Variants in BLTP1 observed in about 807,000 individuals in gnomAD.
BLTP1 encodes the protein fragile site-associated protein.
At chr4:122,181,160 A>G in the BLTP1 span, 1 of 324,470 alleles carries the variant, frequency 3.1e-6, no homozygotes, top group Non-Finnish European at 4.4e-6. Context: ...TTAGCTGACA[A>G]TCATCTATAA....
chr4:122,325,907 G>T, the BLTP1 span: 2 of 1,049,066 alleles, frequency 1.9e-6, no homozygotes, highest in Non-Finnish European at 1.3e-6. Flanking sequence ...CCTGGGGAAG[G>T]GTATTTTCAG....
the BLTP1 span, chr4:122,246,989 CT>C: frequency 1.2e-6 from 1 of 860,104 alleles, no homozygotes; most frequent in Non-Finnish European, 1.4e-6. Context: ...AAAATTTTTA[CT>C]GTTTCTATTC....
chr4:122,316,683 G>T, the BLTP1 span: 1 of 1,578,466 alleles, frequency 6.3e-7, no homozygotes, highest in Non-Finnish European at 8.6e-7. Flanking sequence ...GTATAGATTT[G>T]CTGTGTGACT....
At chr4:122,200,975 C>T in the BLTP1 span, 3 of 1,598,256 alleles carry the variant, frequency 1.9e-6, no homozygotes, top group African/African-American at 1.3e-5. Context: ...ACATTTTAAG[C>T]CTTAATTACT....
the BLTP1 span, among the ~76,000 whole-genome samples, chr4:122,158,457 A>G: frequency 2.0e-5 from 3 of 152,128 alleles, no homozygotes; most frequent in Non-Finnish European, 4.4e-5. Flanking sequence ...CTTAGTTGAT[A>G]TGTTTTCTAC....
At chr4:122,272,222 A>T in the BLTP1 span, 1 of 1,613,372 alleles carries the variant, frequency 6.2e-7, no homozygotes, top group Non-Finnish European at 8.5e-7. Context: ...AGACAACAGC[A>T]GTTTGACTAA....
At chr4:122,264,147 A>G in the BLTP1 span, 3 of 1,334,326 alleles carry the variant, frequency 2.2e-6, no homozygotes, top group Non-Finnish European at 2.9e-6. Context: ...TCAGTCTTGA[A>G]ATGGTACTAC....
the BLTP1 span, among the ~76,000 whole-genome samples, chr4:122,285,301 A>G: frequency 6.6e-6 from 1 of 152,208 alleles, no homozygotes; most frequent in Non-Finnish European, 1.5e-5. Flanking sequence ...GGGATGACTC[A>G]GTAACTGAGG....
chr4:122,191,739 C>T, the BLTP1 span, among the ~76,000 whole-genome samples: 14 of 151,992 alleles, frequency 9.2e-5, no homozygotes, highest in African/African-American at 1.7e-4. Flanking sequence ...TAAAATACTC[C>T]TCCCTTTTCT....
chr4:122,219,257 TA>T, the BLTP1 span: 1 of 1,537,734 alleles, frequency 6.5e-7, no homozygotes, highest in South Asian at 1.3e-5. Flanking sequence ...AGGAAATGCA[TA>T]ATTTACAAAT....
the BLTP1 span, chr4:122,162,509 T>G: frequency 1.9e-5 from 19 of 985,402 alleles, no homozygotes; most frequent in African/African-American, 3.3e-4. Flanking sequence ...AATCAACCAG[T>G]TCTTTCCAAC....
chr4:122,260,377 T>C, the BLTP1 span, among the ~76,000 whole-genome samples: 1 of 152,118 alleles, frequency 6.6e-6, no homozygotes, highest in African/African-American at 2.4e-5. Context: ...TTTTCTAAAA[T>C]ATAAAGATCT....
the BLTP1 span, among the ~76,000 whole-genome samples, chr4:122,268,381 A>G: frequency 1.5e-4 from 23 of 152,304 alleles, no homozygotes; most frequent in South Asian, 3.5e-3. Context: ...CTTTGTATGT[A>G]TGGATCAGTT....
At chr4:122,257,243 T>G in the BLTP1 span, 1 of 1,612,280 alleles carries the variant, frequency 6.2e-7, no homozygotes, top group Non-Finnish European at 8.5e-7. Flanking sequence ...AACCACATGA[T>G]TATTGTTACA....
the BLTP1 span, chr4:122,316,880 T>A: frequency 6.8e-7 from 1 of 1,477,802 alleles, no homozygotes; most frequent in Non-Finnish European, 9.2e-7. Flanking sequence ...CAATGATTTT[T>A]AATTTAATAT....
the BLTP1 span, chr4:122,346,067 G>T: frequency 3.1e-6 from 3 of 967,348 alleles, no homozygotes; most frequent in Non-Finnish European, 3.7e-6. Context: ...GACAAAAACA[G>T]AAATTTTAGC....
chr4:122,163,342 C>A, the BLTP1 span, among the ~76,000 whole-genome samples: 1 of 152,158 alleles, frequency 6.6e-6, no homozygotes, highest in Non-Finnish European at 1.5e-5. Context: ...TCGGAGTTAT[C>A]CCAAACCAAG....
At chr4:122,179,886 C>A in the BLTP1 span, 4 of 985,134 alleles carry the variant, frequency 4.1e-6, no homozygotes, top group African/African-American at 1.7e-5. Flanking sequence ...CTCCCTGCCC[C>A]CCACATACAG....
chr4:122,325,352 A>G, the BLTP1 span: 1 of 1,567,698 alleles, frequency 6.4e-7, no homozygotes, highest in Non-Finnish European at 8.6e-7. Flanking sequence ...AGAGATATAC[A>G]TTGCTAAGTA....
Sources: gnomAD v4.1 joint callset for allele counts (sites outside exome capture counted in the v4.1 genomes callset) on GRCh38, gnomAD v4.1.1 for gene constraint, MANE v1.5 for transcripts, NCBI Gene and HGNC (gene_info 2026-07-23, HGNC 2026-07-21) for gene names.